The following NPSR1 variants were observed in gnomAD, a reference collection of about 807,000 sequenced individuals.
NPSR1 encodes the protein neuropeptide S receptor.
A neutral mutation model predicts 46.9 loss-of-function variants in NPSR1; 48 were observed. That is an observed-to-expected ratio of 1.02 (90% CI 0.81 to 1.30). The LOEUF is 1.30. Among genes scored for constraint, NPSR1 ranks in the 50% most tolerant of loss-of-function variants. NPSR1 has a pLI of 0.00. For synonymous variants in NPSR1, 176 were observed against 168.1 expected (o/e 1.05, Z -0.36); for missense variants, 450 against 449.5 (o/e 1.00, Z -0.01).
chr7:34,866,919 T>C (rs1791327639), intron 8 of NPSR1, among the ~76,000 whole-genome samples: 1 of 151,702 alleles, frequency 6.6e-6, no homozygotes, highest in Non-Finnish European at 1.5e-5. Context: ...TTAAAAATAA[T>C]AATAATAAAA....
chr7:34,830,721 C>T (rs1330206247), intron 5 of NPSR1, among the ~76,000 whole-genome samples: 1 of 152,194 alleles, frequency 6.6e-6, no homozygotes, highest in Non-Finnish European at 1.5e-5. Flanking sequence ...AAATAACTAA[C>T]TCAGTGGCTT....
At position 34,844,973 on chromosome 7, in the gene NPSR1, A is replaced by G. The variant is rs763818231; in HGVS notation, c.835A>G (p.Ile279Val). ...CAAGGCTATCAAGTATAGCATCATC[A>G]TCATTCTTGGTAAGCAATGTCCCTC... is the stretch of plus-strand genomic sequence containing the variant. The part of the protein sequence containing the change: ...KIKAIKYSII[I>V]ILAFICCWSP... The change falls in exon 7 of 9, where the codon ATC (isoleucine) becomes GTC (valine). Residue 279 changes from isoleucine to valine, a missense_variant. By Grantham distance (29) the Ile-to-Val change is conservative (BLOSUM62 3). Coordinates refer to ENST00000360581, the MANE Select transcript of NPSR1 (RefSeq NM_207172.2). 1 of 1,610,072 alleles carries G rather than the reference A, an allele frequency of 6.2e-7. No homozygotes were observed. Among genetic ancestry groups the G allele is most frequent in the Non-Finnish European group, 8.5e-7 (1 of 1,176,296 alleles).
intron 1 of NPSR1, among the ~76,000 whole-genome samples, chr7:34,675,421 T>C (rs759784604): frequency 3.9e-5 from 6 of 152,262 alleles, no homozygotes; most frequent in Non-Finnish European, 7.3e-5. Flanking sequence ...CAGACTAGCC[T>C]GACAGATCCA....
At chr7:34,790,395 C>G (rs1474740692) in intron 3 of NPSR1, among the ~76,000 whole-genome samples, 1 of 151,946 alleles carries the variant, frequency 6.6e-6, no homozygotes, top group East Asian at 1.9e-4. Flanking sequence ...CCACATATGA[C>G]AAGTCCACTG....
At chr7:34,844,375 T>A (rs1324626151) in intron 6 of NPSR1, among the ~76,000 whole-genome samples, 1 of 152,228 alleles carries the variant, frequency 6.6e-6, no homozygotes. Flanking sequence ...GAAAAAAATG[T>A]ATATCCAAGC....
At chr7:34,832,234 A>G (rs539201093) in intron 5 of NPSR1, among the ~76,000 whole-genome samples, 1 of 152,318 alleles carries the variant, frequency 6.6e-6, no homozygotes, top group African/African-American at 2.4e-5. Context: ...CAGATAAAGG[A>G]AAAAGGAAAA....
At chr7:34,752,123 A>G in intron 2 of NPSR1, 1 of 509,136 alleles carries the variant, frequency 2.0e-6, no homozygotes. Flanking sequence ...TAAAATTACA[A>G]AGTTTTCCAG....
intron 8 of NPSR1, among the ~76,000 whole-genome samples, chr7:34,864,869 G>A (rs139662790): frequency 3.3e-5 from 5 of 151,970 alleles, no homozygotes; most frequent in South Asian, 4.1e-4. Context: ...AACAGCTACT[G>A]TTCACCCATG....
chr7:34,785,229 T>C (rs1409639121), intron 3 of NPSR1, among the ~76,000 whole-genome samples: 2 of 151,762 alleles, frequency 1.3e-5, no homozygotes, highest in African/African-American at 4.8e-5. Flanking sequence ...ATGTCCTTTG[T>C]AGGGACACGG....
intron 4 of NPSR1, among the ~76,000 whole-genome samples, chr7:34,812,929 C>G (rs1789063979): frequency 6.6e-6 from 1 of 152,066 alleles, no homozygotes; most frequent in African/African-American, 2.4e-5. Flanking sequence ...ATAGAAGTAG[C>G]AGAATTTTAG....
intron 8 of NPSR1, among the ~76,000 whole-genome samples, chr7:34,870,823 C>A (rs1296695908): frequency 6.6e-6 from 1 of 151,500 alleles, no homozygotes; most frequent in Non-Finnish European, 1.5e-5. Context: ...CATGAAAAAA[C>A]AGGGTGGCCT....
At chr7:34,833,289 A>G (rs1790202542) in intron 5 of NPSR1, among the ~76,000 whole-genome samples, 1 of 152,230 alleles carries the variant, frequency 6.6e-6, no homozygotes, top group Non-Finnish European at 1.5e-5. Context: ...GTAATATTAA[A>G]GAAGAGTAGT....
intron 2 of NPSR1, among the ~76,000 whole-genome samples, chr7:34,687,332 G>A (rs1282860605): frequency 2.0e-5 from 3 of 152,120 alleles, no homozygotes; most frequent in African/African-American, 7.2e-5. Flanking sequence ...TAACTCAATA[G>A]TATGTTGTAT....
At chr7:34,707,774 G>A (rs1794181920) in intron 2 of NPSR1, among the ~76,000 whole-genome samples, 1 of 152,190 alleles carries the variant, frequency 6.6e-6, no homozygotes, top group South Asian at 2.1e-4. Context: ...TTGCTCCCAA[G>A]GCTGGTTATA....
At chr7:34,863,641 G>A (rs1160549449) in intron 8 of NPSR1, among the ~76,000 whole-genome samples, 1 of 151,816 alleles carries the variant, frequency 6.6e-6, no homozygotes, top group East Asian at 1.9e-4. Flanking sequence ...TCATCAATTG[G>A]TCATTAGAGA....
chr7:34,808,427 A>G (rs1053596368), intron 3 of NPSR1, among the ~76,000 whole-genome samples: 1 of 152,174 alleles, frequency 6.6e-6, no homozygotes, highest in Non-Finnish European at 1.5e-5. Flanking sequence ...TAAAAAACAA[A>G]AGAGAGACCC....
At chr7:34,764,769 T>G (rs1786352882) in intron 2 of NPSR1, among the ~76,000 whole-genome samples, 1 of 152,114 alleles carries the variant, frequency 6.6e-6, no homozygotes, top group Admixed American at 6.5e-5. Flanking sequence ...GGTAAGGACA[T>G]GAAATTCTCT....
intron 3 of NPSR1, among the ~76,000 whole-genome samples, chr7:34,788,413 A>G (rs534398143): frequency 7.9e-5 from 12 of 152,126 alleles, no homozygotes; most frequent in Non-Finnish European, 1.6e-4. Flanking sequence ...TAGCCAGAAT[A>G]TAATTATTAA....
At chr7:34,704,794 A>T (rs918995924) in intron 2 of NPSR1, among the ~76,000 whole-genome samples, 89 of 152,306 alleles carry the variant, frequency 5.8e-4, no homozygotes, top group African/African-American at 2.0e-3. Flanking sequence ...CGGATTGCTT[A>T]AGGGTGCATA....
Sources: allele counts gnomAD v4.1 joint callset (sites outside exome capture counted in the v4.1 genomes callset), GRCh38; gene constraint gnomAD v4.1.1; transcripts MANE v1.5; gene names NCBI Gene and HGNC (gene_info 2026-07-23, HGNC 2026-07-21).